VPS13B: variants seen among roughly 807,000 people sequenced by gnomAD.
The protein encoded by VPS13B is vacuolar protein sorting 13 homolog B, also known as intermembrane lipid transfer protein VPS13B.
A neutral mutation model predicts 426.4 loss-of-function variants in VPS13B; 285 were observed. That is an observed-to-expected ratio of 0.67 (90% CI 0.61 to 0.74). VPS13B has a LOEUF of 0.74. Among genes scored for constraint, VPS13B ranks in the 30% least tolerant of loss-of-function variants. The pLI, the probability that VPS13B is intolerant of heterozygous loss-of-function variation, is 0.00. For missense variants in VPS13B, 4,537 were observed against 4,782.6 expected (o/e 0.95, Z 1.51); for synonymous variants, 1,676 against 1,676.4 (o/e 1.00, Z 0.01).
intron 3 of VPS13B, among the ~76,000 whole-genome samples, chr8:99,062,252 T>C (rs1587982233): frequency 6.6e-6 from 1 of 152,220 alleles, no homozygotes; most frequent in African/African-American, 2.4e-5. Flanking sequence ...CTAACATTTA[T>C]AATACAAATG....
chr8:99,581,515 A>G (rs1826059087), intron 33 of VPS13B, among the ~76,000 whole-genome samples: 1 of 152,258 alleles, frequency 6.6e-6, no homozygotes. Flanking sequence ...CTGTATTCAT[A>G]CTATTAGATT....
At chr8:99,358,202 T>C (rs1812295438) in intron 19 of VPS13B, among the ~76,000 whole-genome samples, 1 of 152,224 alleles carries the variant, frequency 6.6e-6, no homozygotes, top group South Asian at 2.1e-4. Context: ...GTTTGGTGCC[T>C]TCAGAAGATG....
intron 35 of VPS13B, among the ~76,000 whole-genome samples, chr8:99,690,849 G>C (rs1831623954): frequency 6.6e-6 from 1 of 152,140 alleles, no homozygotes; most frequent in Non-Finnish European, 1.5e-5. Flanking sequence ...AGTCAAATAT[G>C]TCTTAGCAGT....
At position 99,351,429 on chromosome 8, in the gene VPS13B, A is replaced by AGTGT. The variant is rs751746920; in HGVS notation, c.2825-32778_2825-32777insTGTG. Among the ~76,000 whole-genome samples, 549 of 145,464 alleles carry AGTGT rather than the reference A, an allele frequency of 3.8e-3. 3 individuals carry two copies. Among genetic ancestry groups the AGTGT allele is most frequent in the African/African-American group, 0.013 (470 of 36,052 alleles). On this transcript the variant is annotated intron_variant, in intron 19 of 61. Transcript: ENST00000357162. ...TTTTCTCCTTCCTCAAGAGAGAGAG[A>AGTGT]GAGAGAGTGTGTGTGTGTGTGTGTG...
intron 19 of VPS13B, among the ~76,000 whole-genome samples, chr8:99,280,163 CTG>C (rs1211803992): frequency 6.6e-6 from 1 of 152,144 alleles, no homozygotes; most frequent in Non-Finnish European, 1.5e-5. Flanking sequence ...TTGATGTTCT[CTG>C]TGGTGGTTAT....
At chr8:99,176,622 AAAAAAAT>A (rs1471018613) in intron 16 of VPS13B, among the ~76,000 whole-genome samples, 1 of 152,194 alleles carries the variant, frequency 6.6e-6, no homozygotes, top group Non-Finnish European at 1.5e-5. Context: ...GGACTATTGT[AAAAAAAT>A]AAAAAATAAA....
chr8:99,715,479 T>C (rs1219154962), intron 36 of VPS13B, among the ~76,000 whole-genome samples: 1 of 152,210 alleles, frequency 6.6e-6, no homozygotes, highest in African/African-American at 2.4e-5. Context: ...TTGATAAGTT[T>C]TAGAAATTTG....
At chr8:99,380,921 G>T (rs1813763392) in intron 19 of VPS13B, among the ~76,000 whole-genome samples, 1 of 149,642 alleles carries the variant, frequency 6.7e-6, no homozygotes, top group South Asian at 2.1e-4. Flanking sequence ...TTAGGTTCAG[G>T]GATACAAGTG....
intron 30 of VPS13B, among the ~76,000 whole-genome samples, chr8:99,554,520 T>C (rs1824446413): frequency 1.3e-5 from 2 of 152,142 alleles, no homozygotes; most frequent in African/African-American, 2.4e-5. Flanking sequence ...AATCAGTGAA[T>C]TGAAACAGCA....
intron 3 of VPS13B, among the ~76,000 whole-genome samples, chr8:99,061,474 G>A (rs1844188191): frequency 6.6e-6 from 1 of 151,646 alleles, no homozygotes; most frequent in South Asian, 2.1e-4. Flanking sequence ...TCATTGGAGT[G>A]TTTACTTTTA....
At chr8:99,489,746 T>C (rs981981472) in intron 25 of VPS13B, among the ~76,000 whole-genome samples, 3 of 152,226 alleles carry the variant, frequency 2.0e-5, no homozygotes, top group South Asian at 2.1e-4. Flanking sequence ...TTTTTGCACA[T>C]TGATTTTGTA....
chr8:99,184,509 C>T (rs772659154), intron 16 of VPS13B, among the ~76,000 whole-genome samples: 3 of 152,012 alleles, frequency 2.0e-5, no homozygotes, highest in Non-Finnish European at 4.4e-5. Flanking sequence ...GGTAATAAGA[C>T]ATTTATTACA....
At chr8:99,454,255 G>T (rs191653907) in intron 23 of VPS13B, among the ~76,000 whole-genome samples, 25 of 152,170 alleles carry the variant, frequency 1.6e-4, no homozygotes, top group African/African-American at 5.8e-4. Context: ...CACAATCATA[G>T]CTCACTGCAG....
intron 2 of VPS13B, among the ~76,000 whole-genome samples, chr8:99,018,762 C>T (rs995308221): frequency 3.8e-5 from 5 of 130,398 alleles, no homozygotes; most frequent in Admixed American, 7.6e-5. Flanking sequence ...AGATTCTTTT[C>T]TATTAATGAT....
At position 99,870,177 on chromosome 8, in the gene VPS13B, CTTTT is replaced by C. The variant is rs113637410; in HGVS notation, c.11393-601_11393-598del. ...TAAGGAAGTTAACTAACAATCTAGA[CTTTT>C]TTTTTTAGACACAGGGTTTTGCTGT... On this transcript the variant is annotated intron_variant, in intron 59 of 61. Coordinates refer to ENST00000357162, the MANE Select transcript of VPS13B (RefSeq NM_152564.5). 4.0e-5 allele frequency among the ~76,000 whole-genome samples: 6 copies of C among 148,984 alleles called. No homozygotes were observed. The East Asian group carries it at 1.2e-3, about 29-fold the overall frequency.
chr8:99,304,769 C>T (rs991033768), intron 19 of VPS13B, among the ~76,000 whole-genome samples: 32 of 152,058 alleles, frequency 2.1e-4, no homozygotes, highest in African/African-American at 7.0e-4. Flanking sequence ...TCTCATTTTC[C>T]ATCTTTTATA....
At chr8:99,171,264 C>T (rs1405049643) in intron 16 of VPS13B, among the ~76,000 whole-genome samples, 3 of 151,836 alleles carry the variant, frequency 2.0e-5, no homozygotes, top group African/African-American at 4.8e-5. Flanking sequence ...TATTAGCATA[C>T]ATGGTATGTT....
At chr8:99,357,651 C>G (rs1235853497) in intron 19 of VPS13B, among the ~76,000 whole-genome samples, 1 of 152,012 alleles carries the variant, frequency 6.6e-6, no homozygotes, top group African/African-American at 2.4e-5. Flanking sequence ...CTTCTTGTGG[C>G]CACATTACTT....
At chr8:99,083,007 C>T (rs1320339398) in intron 3 of VPS13B, among the ~76,000 whole-genome samples, 4 of 152,096 alleles carry the variant, frequency 2.6e-5, no homozygotes, top group Admixed American at 2.0e-4. Context: ...AGAAAGTCAT[C>T]AGTAGCTTGA....
Sources: gnomAD v4.1 joint callset for allele counts (sites outside exome capture counted in the v4.1 genomes callset) on GRCh38, gnomAD v4.1.1 for gene constraint, MANE v1.5 for transcripts, NCBI Gene and HGNC (gene_info 2026-07-23, HGNC 2026-07-21) for gene names.